The following EFHC2 variants were observed in gnomAD, a reference collection of about 807,000 sequenced individuals.
The protein encoded by EFHC2 is EF-hand domain containing 2.
EFHC2 carries 18 observed loss-of-function variants against 52.7 expected under a neutral mutation model. The ratio of observed to expected loss-of-function variants is 0.34; its 90% CI spans 0.24 to 0.51. The LOEUF (loss-of-function observed/expected upper bound fraction) is 0.51, where lower values mean the gene tolerates loss of function less well. Ranked by LOEUF, EFHC2 falls within the 20% of genes least tolerant of loss-of-function variation. The pLI, the probability that EFHC2 is intolerant of heterozygous loss-of-function variation, is 0.97. For synonymous variants in EFHC2, 203 were observed against 204.1 expected (o/e 0.99, Z 0.04); for missense variants, 513 against 562.5 (o/e 0.91, Z 0.89).
intron 11 of EFHC2, among the ~76,000 whole-genome samples, chrX:44,217,451 G>A (rs1427030028): frequency 8.9e-6 from 1 of 111,787 alleles, no homozygotes. Context: ...GTTCACAATA[G>A]CCAAGATTTG....
rs1467647467 is a variant in EFHC2 at position 44,148,817 on chromosome X, G to A, written c.2228C>T (p.Ala743Val). The A allele has an allele frequency of 1.7e-5, 20 of 1,182,939 alleles. No homozygotes were observed. The highest frequency in any genetic ancestry group is 1.5e-4 in the East Asian group (5 of 32,515). ...TGGTTATTCCTCCTCTAAGCCAAAC[G>A]CGTCCTTCAAAAAGGTCCAGTAGTC... The part of the protein sequence containing the change: ...YIDYWTFLKD[A>V]FGLEEE Residue 743 changes from alanine to valine, a missense_variant, in exon 15 of 15, where the codon GCG becomes GTG. Ala to Val is a moderately conservative substitution (Grantham distance 64). Transcript: ENST00000420999.
intron 12 of EFHC2, among the ~76,000 whole-genome samples, chrX:44,176,678 A>C (rs1406534776): frequency 8.9e-6 from 1 of 112,412 alleles, no homozygotes; most frequent in Admixed American, 9.4e-5. Flanking sequence ...TGTTGCTCTA[A>C]GTAATTGATC....
chrX:44,310,138 G>A lies in EFHC2; in HGVS notation c.231+2430C>T. 2.8e-5 allele frequency: 19 copies of A among 690,449 alleles called. No homozygotes were observed. In the South Asian group the frequency reaches 4.1e-4, roughly 15 times the overall value. 56.9% of individuals were successfully genotyped at this position (690,449 alleles called of 1,213,427 possible). A position where few individuals can be genotyped will look rare whatever the true frequency, so the allele number is the denominator to read the frequency against. On this transcript the variant is annotated intron_variant, in intron 2 of 14. Transcript: ENST00000420999. ...TCGGGCTTCAGGGATTCCCAGTGCC[G>A]AATGTCCTTGGACAGGTCCACCTCC...
chrX:44,235,579 A>T (rs747177395), intron 8 of EFHC2, 132 bp from the exon 9 acceptor site: 63 of 594,810 alleles, frequency 1.1e-4, no homozygotes, highest in Non-Finnish European at 1.5e-4. Flanking sequence ...GAAAGAGTTC[A>T]ACCATCGTCT....
intron 9 of EFHC2, 73 bp downstream of exon 9, chrX:44,235,232 G>T: frequency 2.2e-6 from 2 of 920,821 alleles, no homozygotes; most frequent in Non-Finnish European, 2.9e-6. Context: ...ATCAGATCAT[G>T]TTCCCTAATT....
At chrX:44,300,018 G>A (rs751919706) in intron 2 of EFHC2, among the ~76,000 whole-genome samples, 31 of 111,267 alleles carry the variant, frequency 2.8e-4, no homozygotes, top group African/African-American at 8.8e-4. Context: ...CACCATCAGC[G>A]TTACAAAAAG....
chrX:44,238,870 A>T (rs1476299603), intron 8 of EFHC2, among the ~76,000 whole-genome samples: 2 of 111,873 alleles, frequency 1.8e-5, no homozygotes, highest in East Asian at 5.6e-4. Flanking sequence ...TTACTTATGT[A>T]TTAATTGATG....
intron 11 of EFHC2, among the ~76,000 whole-genome samples, chrX:44,203,610 A>T (rs1343992042): frequency 1.8e-5 from 2 of 110,809 alleles, no homozygotes; most frequent in Non-Finnish European, 1.9e-5. Context: ...TATTTGAGAT[A>T]GAGTCTCGAT....
chrX:44,257,062 A>C (rs1225782393), intron 4 of EFHC2, among the ~76,000 whole-genome samples: 1 of 111,746 alleles, frequency 8.9e-6, no homozygotes, highest in African/African-American at 3.3e-5. Flanking sequence ...TGATTATCTC[A>C]ATAGATGCAG....
At position 44,187,135 on chromosome X, in the gene EFHC2, G is replaced by GTATATATA. The variant is rs746801274; in HGVS notation, c.1752-8579_1752-8572dup. On this transcript the variant is annotated intron_variant, in intron 11 of 14. Coordinates refer to ENST00000420999, the MANE Select transcript of EFHC2 (RefSeq NM_025184.4). ...CCATGTCTCAAAGGAAAACAAAATG[G>GTATATATA]TATATATATATATATATGGGCTTTA... Among the ~76,000 whole-genome samples the GTATATATA allele has an allele frequency of 8.0e-3, 493 of 61,737 alleles. 51 individuals carry two copies. The highest frequency in any genetic ancestry group is 0.011 in the Non-Finnish European group (362 of 34,336). The allele number at this position is 61,737 out of a possible 115,157, so 53.6% of individuals were successfully genotyped here. A position where few individuals can be genotyped will look rare whatever the true frequency, so the allele number is the denominator to read the frequency against.
At chrX:44,342,875 C>CAAAAAAAAAAAAA (rs377220378) in intron 1 of EFHC2, among the ~76,000 whole-genome samples, 5 of 57,364 alleles carry the variant, frequency 8.7e-5, no homozygotes, top group African/African-American at 3.2e-4. Flanking sequence ...GACTCCGTCT[C>CAAAAAAAAAAAAA]AAAAAAAAAA....
intron 5 of EFHC2, 24 bp downstream of exon 5, chrX:44,250,170 A>C (rs749645679): frequency 8.4e-7 from 1 of 1,196,944 alleles, no homozygotes; most frequent in Non-Finnish European, 1.1e-6. Flanking sequence ...AAGCAAATTC[A>C]AAGTGGTTAT....
chrX:44,298,511 G>A (rs1181909678), intron 2 of EFHC2, among the ~76,000 whole-genome samples: 1 of 111,439 alleles, frequency 9.0e-6, no homozygotes. Flanking sequence ...CGGTGTCTGG[G>A]GTGGTGGTTA....
At chrX:44,237,606 C>T (rs1479821060) in intron 8 of EFHC2, among the ~76,000 whole-genome samples, 2 of 111,853 alleles carry the variant, frequency 1.8e-5, no homozygotes, top group Non-Finnish European at 3.8e-5. Flanking sequence ...TAGGTTTGCT[C>T]TACCTAAACT....
intron 14 of EFHC2, among the ~76,000 whole-genome samples, chrX:44,152,707 C>A (rs755134933): frequency 1.0e-5 from 1 of 98,305 alleles, no homozygotes; most frequent in Non-Finnish European, 2.0e-5. Context: ...CTACTTACAC[C>A]AAAAAGTAGT....
intron 12 of EFHC2, among the ~76,000 whole-genome samples, chrX:44,176,778 A>C (rs1225834903): frequency 1.8e-5 from 2 of 112,311 alleles, no homozygotes; most frequent in Non-Finnish European, 3.8e-5. Context: ...CACAAGTATG[A>C]TATGACTTGA....
At chrX:44,271,235 T>C (rs1047831712) in intron 3 of EFHC2, among the ~76,000 whole-genome samples, 1 of 111,138 alleles carries the variant, frequency 9.0e-6, no homozygotes, top group Non-Finnish European at 1.9e-5. Context: ...ACAGAACAGA[T>C]TGTAGGAGGA....
intron 4 of EFHC2, among the ~76,000 whole-genome samples, chrX:44,256,769 C>A (rs1167871988): frequency 1.8e-5 from 2 of 111,265 alleles, no homozygotes; most frequent in Non-Finnish European, 3.8e-5. Flanking sequence ...AGAGGCACTC[C>A]TCCCTAACTC....
chrX:44,187,473 T>C (rs1301552750), intron 11 of EFHC2, among the ~76,000 whole-genome samples: 3 of 111,204 alleles, frequency 2.7e-5, no homozygotes, highest in African/African-American at 3.3e-5. Context: ...AATTTTTATA[T>C]AAATAATGCC....
Sources: gnomAD v4.1 joint callset for allele counts (sites outside exome capture counted in the v4.1 genomes callset) on GRCh38, gnomAD v4.1.1 for gene constraint, MANE v1.5 for transcripts, NCBI Gene and HGNC (gene_info 2026-07-23, HGNC 2026-07-21) for gene names.